PDGFRL: variants seen among roughly 807,000 people sequenced by gnomAD.
The protein encoded by PDGFRL is platelet derived growth factor receptor like.
In PDGFRL, 46 loss-of-function variants were observed where a neutral mutation model predicts 37.2. That is an observed-to-expected ratio of 1.24 (90% CI 0.98 to 1.58). PDGFRL has a LOEUF of 1.58. PDGFRL is among the 40% of genes most tolerant of loss of function. The pLI, the probability that PDGFRL is intolerant of heterozygous loss-of-function variation, is 0.00. For missense variants in PDGFRL, 692 were observed against 467.6 expected (o/e 1.48, Z -4.43); for synonymous variants, 251 against 184.3 (o/e 1.36, Z -2.93).
In PDGFRL at chr8:17,628,579, G is replaced by C. The variant is rs1236064577; in HGVS notation, c.598G>C (p.Val200Leu). 4.3e-6 allele frequency: 7 copies of C among 1,613,884 alleles called. No homozygotes were observed. Among genetic ancestry groups the C allele is most frequent in the Non-Finnish European group, 5.9e-6 (7 of 1,179,914 alleles). The change falls in exon 4 of 6, where the codon GTG becomes CTG. Residue 200 changes from valine (V) to leucine (L), a missense_variant. By Grantham distance (32) the Val-to-Leu change is conservative. Coordinates refer to ENST00000251630, the MANE Select transcript of PDGFRL (RefSeq NM_001372073.1). ...GGCTGTGGTTCCTTGTCGGGTGACC[G>C]TGCTGTCGGCCAAAGTCACGCTCCA... ...RQAVVPCRVT[V>L]LSAKVTLHRE...
chr8:17,594,361 C>G (rs1027323847), intron 2 of PDGFRL, among the ~76,000 whole-genome samples: 3 of 151,376 alleles, frequency 2.0e-5, no homozygotes, highest in African/African-American at 4.9e-5. Context: ...CTGCCTCAGC[C>G]TCCCAACTAG....
At chr8:17,595,145 C>T (rs1189935505) in intron 2 of PDGFRL, among the ~76,000 whole-genome samples, 1 of 152,108 alleles carries the variant, frequency 6.6e-6, no homozygotes, top group Non-Finnish European at 1.5e-5. Flanking sequence ...GGAGGGACAG[C>T]CCCACATGCC....
At chr8:17,608,444 T>G (rs943761017) in intron 2 of PDGFRL, among the ~76,000 whole-genome samples, 1 of 152,116 alleles carries the variant, frequency 6.6e-6, no homozygotes, top group Non-Finnish European at 1.5e-5. Flanking sequence ...TGCGTTTATT[T>G]ACCCAGGTGG....
At chr8:17,629,513 C>T (rs150429192) in intron 4 of PDGFRL, among the ~76,000 whole-genome samples, 4 of 152,174 alleles carry the variant, frequency 2.6e-5, no homozygotes, top group Non-Finnish European at 4.4e-5. Context: ...CCATTGCCAC[C>T]TGCCAACCCT....
chr8:17,577,082 T>TA (rs5889721), upstream of PDGFRL: 85 of 520,420 alleles, frequency 1.6e-4, no homozygotes, highest in African/African-American at 2.2e-3. Context: ...CACAGAGAAC[T>TA]AAAAAAAAAA....
intron 2 of PDGFRL, among the ~76,000 whole-genome samples, chr8:17,612,174 G>T (rs993566694): frequency 6.6e-6 from 1 of 152,200 alleles, no homozygotes; most frequent in South Asian, 2.1e-4. Flanking sequence ...GGCCCTGCCT[G>T]TTGGAAATTC....
intron 5 of PDGFRL, among the ~76,000 whole-genome samples, chr8:17,641,212 C>A (rs112615222): frequency 1.6e-3 from 248 of 152,316 alleles, no homozygotes; most frequent in African/African-American, 5.8e-3. Flanking sequence ...GATAAGAAAG[C>A]AAACAGGGTT....
At chr8:17,590,220 G>C (rs1372612307) in intron 2 of PDGFRL, among the ~76,000 whole-genome samples, 1 of 33,740 alleles carries the variant, frequency 3.0e-5, no homozygotes, top group Non-Finnish European at 8.3e-5. Flanking sequence ...GGGTGACAGA[G>C]AGCGAGACTC....
intron 3 of PDGFRL, among the ~76,000 whole-genome samples, chr8:17,622,053 C>T (rs1336695803): frequency 6.6e-6 from 1 of 152,190 alleles, no homozygotes; most frequent in Non-Finnish European, 1.5e-5. Flanking sequence ...TCTCCAGTCC[C>T]TGTCCCTAAG....
intron 2 of PDGFRL, among the ~76,000 whole-genome samples, chr8:17,607,037 A>C (rs368498303): frequency 1.3e-5 from 2 of 151,934 alleles, no homozygotes; most frequent in African/African-American, 4.8e-5. Context: ...CTGGGATTAC[A>C]GGTGCATGCC....
intron 2 of PDGFRL, among the ~76,000 whole-genome samples, chr8:17,609,883 AGTTT>A (rs1324219193): frequency 2.0e-5 from 3 of 152,094 alleles, no homozygotes; most frequent in African/African-American, 7.2e-5. Flanking sequence ...CCAAGAAAAC[AGTTT>A]GTTTATTTAG....
intron 3 of PDGFRL, among the ~76,000 whole-genome samples, chr8:17,623,165 G>A (rs1223232964): frequency 6.6e-6 from 1 of 152,156 alleles, no homozygotes; most frequent in Non-Finnish European, 1.5e-5. Context: ...ACCTGTAGTG[G>A]CACAATAAGG....
rs990998107 is a variant in PDGFRL, at chr8:17,596,970, G to T, written c.353+7205G>T. On this transcript the variant is annotated intron_variant, in intron 2 of 5. Coordinates refer to ENST00000251630, the MANE Select transcript of PDGFRL (RefSeq NM_001372073.1). Reference sequence around the variant, plus strand: ...TCTTTCCAGGGCTATGACAGTGTTGGGTTTGGAAGCTCCCCAGGTGTTCAT... The same window carrying T: ...TCTTTCCAGGGCTATGACAGTGTTGTGTTTGGAAGCTCCCCAGGTGTTCAT... Among the ~76,000 whole-genome samples the T allele has an allele frequency of 2.6e-5, 4 of 152,144 alleles. No homozygotes were observed. The South Asian group carries it at 6.2e-4, about 24-fold the overall frequency.
chr8:17,594,328 C>T (rs1804006277), intron 2 of PDGFRL, among the ~76,000 whole-genome samples: 1 of 151,180 alleles, frequency 6.6e-6, no homozygotes, highest in Non-Finnish European at 1.5e-5. Context: ...ACAGCTTCCG[C>T]CTCCCAGGTT....
chr8:17,607,000 A>G (rs1368834845), intron 2 of PDGFRL, among the ~76,000 whole-genome samples: 1 of 149,226 alleles, frequency 6.7e-6, no homozygotes, highest in Non-Finnish European at 1.5e-5. Flanking sequence ...GGTTCAAGCA[A>G]TTCTCCTGCC....
At chr8:17,623,534 C>T (rs1290485118) in intron 3 of PDGFRL, among the ~76,000 whole-genome samples, 3 of 152,138 alleles carry the variant, frequency 2.0e-5, no homozygotes, top group Non-Finnish European at 2.9e-5. Context: ...AAGTATTGGT[C>T]GAGGTTTTGA....
At chr8:17,594,998 C>G (rs1042519449) in intron 2 of PDGFRL, among the ~76,000 whole-genome samples, 1 of 73,456 alleles carries the variant, frequency 1.4e-5, no homozygotes, top group African/African-American at 3.8e-5. Context: ...TGGGATTTAC[C>G]ACGTACATTT....
intron 5 of PDGFRL, among the ~76,000 whole-genome samples, chr8:17,641,950 A>G (rs1404498243): frequency 1.5e-5 from 2 of 132,126 alleles, no homozygotes; most frequent in East Asian, 2.4e-4. Context: ...ACTTAGTGAT[A>G]TATTAGTTCT....
intron 3 of PDGFRL, among the ~76,000 whole-genome samples, chr8:17,623,342 T>C (rs1172542649): frequency 6.6e-6 from 1 of 152,216 alleles, no homozygotes; most frequent in Non-Finnish European, 1.5e-5. Flanking sequence ...ATCTTCATTT[T>C]GGAACTCGCT....
Sources: allele counts gnomAD v4.1 joint callset (sites outside exome capture counted in the v4.1 genomes callset), GRCh38; gene constraint gnomAD v4.1.1; transcripts MANE v1.5; gene names NCBI Gene and HGNC (gene_info 2026-07-23, HGNC 2026-07-21).